NKAIN2: variants seen among roughly 807,000 people sequenced by gnomAD.
NKAIN2 encodes the protein sodium/potassium-transporting ATPase subunit beta-1-interacting protein 2.
In NKAIN2, 14 loss-of-function variants were observed where a neutral mutation model predicts 32.6. The ratio of observed to expected loss-of-function variants is 0.43; its 90% CI spans 0.28 to 0.67. The LOEUF is 0.67. Ranked by LOEUF, NKAIN2 falls within the 30% of genes least tolerant of loss-of-function variation. NKAIN2 has a pLI of 0.17. For missense variants in NKAIN2, 198 were observed against 258.3 expected, an observed-to-expected ratio of 0.77 and a Z score of 1.60; for synonymous variants, 80 against 87.2, an observed-to-expected ratio of 0.92 and a Z score of 0.46.
At chr6:124,213,381 T>C (rs1213578173) in intron 1 of NKAIN2, among the ~76,000 whole-genome samples, 1 of 152,120 alleles carries the variant, frequency 6.6e-6, no homozygotes, top group Non-Finnish European at 1.5e-5. Context: ...TAGTAAAATA[T>C]AGCTGCAAAC....
At chr6:124,190,000 G>A (rs896334240) in intron 1 of NKAIN2, among the ~76,000 whole-genome samples, 6 of 152,188 alleles carry the variant, frequency 3.9e-5, no homozygotes, top group African/African-American at 7.2e-5. Context: ...CCTAAAAGCA[G>A]CAATTAATGT....
At chr6:123,966,319 C>G (rs2114624474) in intron 1 of NKAIN2, among the ~76,000 whole-genome samples, 1 of 152,276 alleles carries the variant, frequency 6.6e-6, no homozygotes, top group Middle Eastern at 3.4e-3. Flanking sequence ...ACTCAATCAT[C>G]CTCAGAAGAT....
intron 1 of NKAIN2, among the ~76,000 whole-genome samples, chr6:124,215,830 A>G (rs1000226243): frequency 1.3e-5 from 2 of 152,174 alleles, no homozygotes; most frequent in Non-Finnish European, 2.9e-5. Flanking sequence ...TGTTAAAGAT[A>G]GTCCTGGCCG....
chr6:124,640,374 C>T (rs1291942095), intron 3 of NKAIN2, among the ~76,000 whole-genome samples: 1 of 152,088 alleles, frequency 6.6e-6, no homozygotes, highest in East Asian at 1.9e-4. Flanking sequence ...AAAATTGTGG[C>T]CTCAGGTGAG....
At chr6:124,002,753 T>C (rs143089448) in intron 1 of NKAIN2, among the ~76,000 whole-genome samples, 2,547 of 152,276 alleles carry the variant, frequency 0.017, 31 homozygotes, top group South Asian at 0.028. Context: ...TTGAAAAATA[T>C]AATTTAGTGA....
intron 1 of NKAIN2, among the ~76,000 whole-genome samples, chr6:124,146,379 A>G (rs1390479613): frequency 6.6e-6 from 1 of 152,200 alleles, no homozygotes; most frequent in East Asian, 1.9e-4. Context: ...TACTCTACAG[A>G]TTGTCAAGCA....
intron 1 of NKAIN2, among the ~76,000 whole-genome samples, chr6:124,150,865 G>T (rs966940098): frequency 2.0e-4 from 30 of 151,914 alleles, no homozygotes; most frequent in African/African-American, 7.0e-4. Context: ...ATTGTGAATT[G>T]GTAGATGTAA....
chr6:124,359,195 G>A (rs1799148251), intron 3 of NKAIN2, among the ~76,000 whole-genome samples: 1 of 152,156 alleles, frequency 6.6e-6, no homozygotes, highest in African/African-American at 2.4e-5. Context: ...ATAGTTTGAA[G>A]TCAGGTAGCG....
chr6:123,937,288 C>T (rs1776558359), intron 1 of NKAIN2, among the ~76,000 whole-genome samples: 1 of 152,038 alleles, frequency 6.6e-6, no homozygotes, highest in African/African-American at 2.4e-5. Flanking sequence ...CAACTTAACT[C>T]ATTGGATGTG....
intron 3 of NKAIN2, among the ~76,000 whole-genome samples, chr6:124,407,079 G>A (rs962685126): frequency 1.3e-5 from 2 of 151,856 alleles, no homozygotes; most frequent in Admixed American, 6.6e-5. Flanking sequence ...TTCTTTTATC[G>A]ATCAAGCTTT....
chr6:124,256,353 A>T (rs1793930124), intron 1 of NKAIN2, among the ~76,000 whole-genome samples: 1 of 152,212 alleles, frequency 6.6e-6, no homozygotes, highest in Non-Finnish European at 1.5e-5. Flanking sequence ...TAATTCATAA[A>T]CTTATTAAAG....
At chr6:123,937,598 A>G (rs1351574735) in intron 1 of NKAIN2, among the ~76,000 whole-genome samples, 1 of 152,122 alleles carries the variant, frequency 6.6e-6, no homozygotes, top group Non-Finnish European at 1.5e-5. Flanking sequence ...CTGATAAATT[A>G]CACATTAAGG....
At chr6:124,069,295 G>A (rs79835876) in intron 1 of NKAIN2, among the ~76,000 whole-genome samples, 1,999 of 152,144 alleles carry the variant, frequency 0.013, 35 homozygotes, top group African/African-American at 0.038. Context: ...CAAGAGTTCT[G>A]CATGTGAGCA....
chr6:124,784,240 C>A (rs1158096878), intron 4 of NKAIN2, among the ~76,000 whole-genome samples: 1 of 152,100 alleles, frequency 6.6e-6, no homozygotes, highest in African/African-American at 2.4e-5. Context: ...ACACTTTACC[C>A]AGTTTCTCCA....
intron 5 of NKAIN2, among the ~76,000 whole-genome samples, chr6:124,807,672 A>T (rs1780647046): frequency 6.6e-6 from 1 of 150,926 alleles, no homozygotes; most frequent in Non-Finnish European, 1.5e-5. Flanking sequence ...AGACACAAAA[A>T]ACCCTTCAAA....
intron 1 of NKAIN2, among the ~76,000 whole-genome samples, chr6:124,113,529 C>T (rs765322517): frequency 1.4e-4 from 22 of 151,996 alleles, no homozygotes; most frequent in African/African-American, 5.3e-4. Flanking sequence ...CAAGATGTTG[C>T]CTGCATTCTT....
At chr6:124,182,991 A>G (rs1446785212) in intron 1 of NKAIN2, among the ~76,000 whole-genome samples, 1 of 152,124 alleles carries the variant, frequency 6.6e-6, no homozygotes, top group Non-Finnish European at 1.5e-5. Flanking sequence ...TAAATATGTG[A>G]AAGATGTATT....
Position 124,314,900 on chromosome 6 carries a change from A to G in NKAIN2, c.192+31758A>G, listed in dbSNP as rs74707259. Reference sequence around the variant, plus strand: ...GTTTCTGTTTGAACATACGTTAACCAAGGATTCTATCTCATAAGTGCCTGG... The same window carrying G: ...GTTTCTGTTTGAACATACGTTAACCGAGGATTCTATCTCATAAGTGCCTGG... On this transcript the variant is annotated intron_variant, in intron 2 of 6. Transcript: ENST00000368417. 2.6e-5 allele frequency among the ~76,000 whole-genome samples: 4 copies of G among 152,262 alleles called. No individual in the cohort carries two copies. The East Asian group carries it at 7.7e-4, about 29-fold the overall frequency.
chr6:124,789,298 A>C (rs1285860354), intron 4 of NKAIN2, among the ~76,000 whole-genome samples: 1 of 152,100 alleles, frequency 6.6e-6, no homozygotes, highest in African/African-American at 2.4e-5. Flanking sequence ...TGTAATTAGG[A>C]CAAATTGCTT....
Sources: allele counts gnomAD v4.1 joint callset (sites outside exome capture counted in the v4.1 genomes callset), GRCh38; gene constraint gnomAD v4.1.1; transcripts MANE v1.5; gene names NCBI Gene and HGNC (gene_info 2026-07-23, HGNC 2026-07-21).